The following PIK3R5 variants were observed in gnomAD, a reference collection of about 807,000 sequenced individuals.
PIK3R5 encodes phosphoinositide 3-kinase regulatory subunit 5.
Under a neutral mutation model 94.9 loss-of-function variants are expected in PIK3R5, and 32 were observed. That is an observed-to-expected ratio of 0.34 (90% CI 0.25 to 0.45). PIK3R5 has a LOEUF of 0.45. PIK3R5 is among the 20% of genes least tolerant of loss of function. The pLI is 1.00. For missense variants in PIK3R5, 853 were observed against 1,144.6 expected, an observed-to-expected ratio of 0.75 and a Z score of 3.68; for synonymous variants, 443 against 479.4, an observed-to-expected ratio of 0.92 and a Z score of 0.99.
Position 8,912,232 on chromosome 17 carries a change from A to G in PIK3R5, c.-13-725T>C, listed in dbSNP as rs2090542168. Among the ~76,000 whole-genome samples the G allele has an allele frequency of 2.6e-5, 4 of 151,998 alleles. 1 individual carries two copies. In the South Asian group the frequency reaches 8.3e-4, roughly 32 times the overall value. On this transcript the variant is annotated intron_variant, in intron 1 of 18. Coordinates refer to ENST00000447110, the MANE Select transcript of PIK3R5 (RefSeq NM_001142633.3). ...TTTTAGCCCCGTATGGGGAACTGAGAGCCCCCAGCAGGGCCAGCCCAGCTT... is the reference window on the plus strand; with the variant it reads ...TTTTAGCCCCGTATGGGGAACTGAGGGCCCCCAGCAGGGCCAGCCCAGCTT...
intron 5 of PIK3R5, among the ~76,000 whole-genome samples, chr17:8,898,034 A>G (rs1418259638): frequency 6.6e-6 from 1 of 152,182 alleles, no homozygotes; most frequent in African/African-American, 2.4e-5. Flanking sequence ...ATAGGCAGCC[A>G]GCTCAGTCCT....
chr17:8,894,123 A>G (rs1484968896), intron 5 of PIK3R5, among the ~76,000 whole-genome samples: 1 of 152,178 alleles, frequency 6.6e-6, no homozygotes, highest in African/African-American at 2.4e-5. Flanking sequence ...TTCTCCTGGG[A>G]AGGGCCAGAT....
At position 8,905,769 on chromosome 17, in the gene PIK3R5, C is replaced by A. The variant is rs1268311583; in HGVS notation, c.205-32G>T. ...AGAGGAGGAGAAGGGGAATGAGCCT[C>A]ATTCACGGGGTCCAGGGCTCCCTGA... On this transcript the variant is annotated intron_variant, in intron 3 of 18. Coordinates refer to ENST00000447110, the MANE Select transcript of PIK3R5 (RefSeq NM_001142633.3). The A allele has an allele frequency of 4.0e-6, 6 of 1,499,148 alleles. No homozygotes were observed. In the South Asian group the frequency reaches 7.2e-5, roughly 18 times the overall value. 92.9% of individuals were successfully genotyped at this position (1,499,148 alleles called of 1,614,324 possible). A position where few individuals can be genotyped will look rare whatever the true frequency, so the allele number is the denominator to read the frequency against.
chr17:8,950,749 G>A (rs943993390), intron 1 of PIK3R5, among the ~76,000 whole-genome samples: 3 of 152,158 alleles, frequency 2.0e-5, no homozygotes, highest in African/African-American at 7.2e-5. Context: ...ATAGTGGGGT[G>A]ATGAACACAT....
intron 1 of PIK3R5, among the ~76,000 whole-genome samples, chr17:8,956,152 C>T (rs147336393): frequency 6.6e-6 from 1 of 151,818 alleles, no homozygotes; most frequent in African/African-American, 2.4e-5. Flanking sequence ...CAGAGTGAGA[C>T]CCTTTCTCAA....
intron 5 of PIK3R5, among the ~76,000 whole-genome samples, chr17:8,897,374 G>A (rs392750): frequency 0.15 from 22,387 of 152,122 alleles, 1,863 homozygotes; most frequent in South Asian, 0.22. Flanking sequence ...GTGAGTTCTT[G>A]GAATGAAAGG....
At chr17:8,956,398 G>C (rs1035798017) in intron 1 of PIK3R5, among the ~76,000 whole-genome samples, 1 of 152,102 alleles carries the variant, frequency 6.6e-6, no homozygotes, top group Non-Finnish European at 1.5e-5. Context: ...ATGAGGGAAG[G>C]AGCAGGTCCC....
At chr17:8,929,664 A>G (rs532533861) in intron 1 of PIK3R5, among the ~76,000 whole-genome samples, 16 of 152,338 alleles carry the variant, frequency 1.1e-4, no homozygotes, top group East Asian at 1.9e-4. Flanking sequence ...TTGCAGCAGC[A>G]TGGATGAAGC....
At chr17:8,901,820 G>A (rs1006866673) in intron 5 of PIK3R5, among the ~76,000 whole-genome samples, 8 of 152,026 alleles carry the variant, frequency 5.3e-5, no homozygotes, top group African/African-American at 1.2e-4. Flanking sequence ...TGACTTTGCC[G>A]CAGTATACTC....
intron 1 of PIK3R5, among the ~76,000 whole-genome samples, chr17:8,919,890 T>G (rs980819073): frequency 2.5e-5 from 1 of 39,496 alleles, no homozygotes; most frequent in Admixed American, 2.3e-4. Context: ...TTTTCCTTCT[T>G]TTTTTTTTTT....
chr17:8,961,360 C>T (rs1305979588), intron 1 of PIK3R5, among the ~76,000 whole-genome samples: 5 of 151,970 alleles, frequency 3.3e-5, no homozygotes, highest in Non-Finnish European at 5.9e-5. Context: ...GCAGGCCGGG[C>T]GCGGTTGCTC....
chr17:8,888,957 T>A lies in PIK3R5; in HGVS notation c.896-66A>T. 6.5e-7 allele frequency: 1 copy of A among 1,545,346 alleles called. No homozygotes were observed. Among genetic ancestry groups the A allele is most frequent in the Non-Finnish European group, 8.7e-7 (1 of 1,150,172 alleles). The stretch of plus-strand genomic sequence containing the variant: ...CCCGGATCCCCTTCTATATTCCCTT[T>A]GGAGGGGAGACAGCAGGACTCAGGG... On this transcript the variant is annotated intron_variant, in intron 9 of 18. Transcript: ENST00000447110. The surrounding 1 kb of genome is among the most constrained non-coding windows in gnomAD (Gnocchi z 7.8).
rs2089779160 is a variant in PIK3R5, at chr17:8,884,989, AG to A, written c.2129-207del. On this transcript the variant is annotated intron_variant, in intron 14 of 18. Transcript: ENST00000447110. This position sits in a 1 kb window ranked among gnomAD's most constrained non-coding sequence, Gnocchi z 5.8. ...ACCTCCTCAGTGACCCCATCACTCC[AG>A]GGCCCATCTCCGCTGTGATCACACA... The A allele has an allele frequency of 6.9e-6, 4 of 578,812 alleles. No homozygotes were observed. Among genetic ancestry groups the A allele is most frequent in the Non-Finnish European group, 1.2e-5 (4 of 320,456 alleles). The allele number at this position is 578,812 out of a possible 1,614,324, so 35.9% of individuals were successfully genotyped here.
intron 1 of PIK3R5, among the ~76,000 whole-genome samples, chr17:8,942,475 C>T (rs1358936355): frequency 6.6e-6 from 1 of 152,180 alleles, no homozygotes; most frequent in Non-Finnish European, 1.5e-5. Flanking sequence ...CTCTGCTCAG[C>T]CCCACCAACA....
chr17:8,899,001 A>G (rs1351812268), intron 5 of PIK3R5, among the ~76,000 whole-genome samples: 1 of 152,230 alleles, frequency 6.6e-6, no homozygotes, highest in Non-Finnish European at 1.5e-5. Flanking sequence ...AGCGGTTTGC[A>G]TGTAAGATGC....
rs750955479 is a variant in PIK3R5 at position 8,935,404 on chromosome 17, A to G, written c.-13-23897T>C. On this transcript the variant is annotated intron_variant, in intron 1 of 18. Transcript: ENST00000447110. This position sits in a 1 kb window ranked among gnomAD's most constrained non-coding sequence, Gnocchi z 4.5. Reference sequence around the variant, plus strand: ...GAAATCACGTCTATTGCAACGTCCCAGTGAGTCAGTCTTCAGAGGTGTTGA... The same window carrying G: ...GAAATCACGTCTATTGCAACGTCCCGGTGAGTCAGTCTTCAGAGGTGTTGA... 3.9e-5 allele frequency among the ~76,000 whole-genome samples: 6 copies of G among 152,120 alleles called. No homozygotes were observed. The highest frequency in any genetic ancestry group is 7.2e-5 in the African/African-American group (3 of 41,414).
At chr17:8,952,059 GC>G (rs2151473640) in intron 1 of PIK3R5, among the ~76,000 whole-genome samples, 1 of 152,344 alleles carries the variant, frequency 6.6e-6, no homozygotes, top group African/African-American at 2.4e-5. Flanking sequence ...TGCTAGAGCA[GC>G]CATTATGGAC....
intron 14 of PIK3R5, among the ~76,000 whole-genome samples, chr17:8,885,755 G>A (rs1296288301): frequency 2.5e-5 from 1 of 39,860 alleles, no homozygotes; most frequent in Non-Finnish European, 4.4e-5. Flanking sequence ...CCCACCTCCT[G>A]GGTAACCCCG....
In PIK3R5 at chr17:8,955,306, C is replaced by T. The variant is rs1451381640; in HGVS notation, c.-14+10290G>A. Among the ~76,000 whole-genome samples, 1 of 152,210 alleles carries T rather than the reference C, an allele frequency of 6.6e-6. No homozygotes were observed. The highest frequency in any genetic ancestry group is 1.9e-4 in the East Asian group (1 of 5,200). On this transcript the variant is annotated intron_variant, in intron 1 of 18. Transcript: ENST00000447110. The surrounding 1 kb of genome is among the most constrained non-coding windows in gnomAD (Gnocchi z 4.4). ...ATTGAATGACAAGTGCTGGCCCCTG[C>T]AAGGCACTGGAGAGTCAGCACTGAA...
Sources: allele counts gnomAD v4.1 joint callset (sites outside exome capture counted in the v4.1 genomes callset), GRCh38; gene constraint gnomAD v4.1.1; non-coding constraint Gnocchi (gnomAD v3.1); transcripts MANE v1.5; gene names NCBI Gene and HGNC (gene_info 2026-07-23, HGNC 2026-07-21).